The following RSRC1 variants were observed in gnomAD, a reference collection of about 807,000 sequenced individuals.
RSRC1 encodes arginine and serine rich coiled-coil 1.
A neutral mutation model predicts 49.1 loss-of-function variants in RSRC1; 39 were observed. That is an observed-to-expected ratio of 0.79 (90% CI 0.61 to 1.04). RSRC1 has a LOEUF of 1.04. RSRC1 is among the 50% of genes least tolerant of loss of function. The pLI is 0.00. For missense variants in RSRC1, 388 were observed against 402.4 expected (o/e 0.96, Z 0.31); for synonymous variants, 143 against 130.8 (o/e 1.09, Z -0.63).
chr3:158,122,424 C>A, intron 2 of RSRC1, 126 bp downstream of exon 2: 1 of 694,310 alleles, frequency 1.4e-6, no homozygotes, highest in Non-Finnish European at 2.2e-6. Flanking sequence ...ATGAAAGTCC[C>A]AACCCAGAGT....
intron 7 of RSRC1, among the ~76,000 whole-genome samples, chr3:158,499,644 T>C (rs1739503225): frequency 2.0e-5 from 3 of 152,172 alleles, no homozygotes. Flanking sequence ...TTTCAGCTAT[T>C]GTAAAAGGGG....
intron 3 of RSRC1, among the ~76,000 whole-genome samples, chr3:158,170,938 A>T (rs936233292): frequency 5.9e-5 from 9 of 152,138 alleles, no homozygotes; most frequent in Non-Finnish European, 1.0e-4. Flanking sequence ...GAACTGCATG[A>T]TGGCAGCACA....
intron 4 of RSRC1, among the ~76,000 whole-genome samples, chr3:158,229,992 T>C (rs1722862199): frequency 6.6e-6 from 1 of 152,094 alleles, no homozygotes. Context: ...ATATTCCTAT[T>C]GATGCATCAA....
intron 7 of RSRC1, among the ~76,000 whole-genome samples, chr3:158,479,628 A>G (rs1738528907): frequency 6.6e-6 from 1 of 152,020 alleles, no homozygotes; most frequent in African/African-American, 2.4e-5. Flanking sequence ...CCAAATGCCT[A>G]CAGAAATACT....
At chr3:158,451,704 G>A (rs968502459) in intron 6 of RSRC1, among the ~76,000 whole-genome samples, 1 of 151,978 alleles carries the variant, frequency 6.6e-6, no homozygotes, top group Non-Finnish European at 1.5e-5. Context: ...TGGAGGAACT[G>A]TTCACTCCAG....
intron 1 of RSRC1, among the ~76,000 whole-genome samples, chr3:158,121,037 A>G (rs1715222914): frequency 6.6e-6 from 1 of 151,858 alleles, no homozygotes; most frequent in African/African-American, 2.4e-5. Flanking sequence ...TACCATAACT[A>G]TATAGAAATA....
At chr3:158,188,227 G>A (rs925512392) in intron 3 of RSRC1, among the ~76,000 whole-genome samples, 38 of 151,938 alleles carry the variant, frequency 2.5e-4, no homozygotes, top group African/African-American at 9.2e-4. Context: ...CTGTTTTCCA[G>A]TATATATTTC....
intron 3 of RSRC1, among the ~76,000 whole-genome samples, chr3:158,157,376 C>G (rs1717941269): frequency 6.6e-6 from 1 of 152,050 alleles, no homozygotes. Context: ...ATCGAGGACT[C>G]ACAGCAAACA....
rs1224034389 is a variant in RSRC1, at chr3:158,187,492, G to T, written c.321-15580G>T. On this transcript the variant is annotated intron_variant, in intron 3 of 9. Transcript: ENST00000611884. ...ATATGAGTTATAGGTCCAAATAAAT[G>T]TTTCTGGCATTTTGATAAGATATAT... Among the ~76,000 whole-genome samples, 5 of 152,066 alleles carry T rather than the reference G, an allele frequency of 3.3e-5. 1 individual carries two copies. The South Asian group carries it at 1.0e-3, about 32-fold the overall frequency.
Position 158,460,809 on chromosome 3 carries a change from G to T in RSRC1, c.584-126G>T, listed in dbSNP as rs1179578537. On this transcript the variant is annotated intron_variant, in intron 6 of 9. Coordinates refer to ENST00000611884, the MANE Select transcript of RSRC1 (RefSeq NM_001271838.2). ...AAATATGTATTTCAGATGTTCAACT[G>T]CCTTGTTTCTTTCTTGTGATTACTT... The T allele has an allele frequency of 1.6e-5, 8 of 486,454 alleles. No homozygotes were observed. The East Asian group carries it at 2.6e-4, about 16-fold the overall frequency. The allele number at this position is 486,454 out of a possible 1,614,324, so 30.1% of individuals were successfully genotyped here. A position where few individuals can be genotyped will look rare whatever the true frequency, so the allele number is the denominator to read the frequency against.
intron 6 of RSRC1, among the ~76,000 whole-genome samples, chr3:158,401,237 C>T (rs377087883): frequency 3.9e-5 from 6 of 152,022 alleles, no homozygotes; most frequent in Middle Eastern, 3.4e-3. Context: ...ATGACTGTAA[C>T]GGGCAGAGAT....
chr3:158,312,288 G>A (rs1728174760), intron 5 of RSRC1, among the ~76,000 whole-genome samples: 1 of 152,096 alleles, frequency 6.6e-6, no homozygotes, highest in Admixed American at 6.6e-5. Context: ...CTTAAGTAGT[G>A]TTTGATCCTT....
At position 158,539,254 on chromosome 3, in the gene RSRC1, G is replaced by T. The variant is rs1208379113; in HGVS notation, c.759+2056G>T. 6.6e-6 allele frequency among the ~76,000 whole-genome samples: 1 copy of T among 152,006 alleles called. No individual in the cohort carries two copies. Among genetic ancestry groups the T allele is most frequent in the Admixed American group, 6.6e-5 (1 of 15,250 alleles). On this transcript the variant is annotated intron_variant, in intron 8 of 9. Coordinates refer to ENST00000611884, the MANE Select transcript of RSRC1 (RefSeq NM_001271838.2). This position sits in a 1 kb window ranked among gnomAD's most constrained non-coding sequence, Gnocchi z 4.1. The stretch of plus-strand genomic sequence containing the variant: ...CACCCCTTCAGTTGGTACCGTATTT[G>T]TTTAGCTGTGTTAATTCCACTAATT...
intron 6 of RSRC1, among the ~76,000 whole-genome samples, chr3:158,397,616 G>A (rs1346196129): frequency 6.6e-6 from 1 of 152,112 alleles, no homozygotes; most frequent in Non-Finnish European, 1.5e-5. Context: ...GTGTATTATA[G>A]TGGAGAATTG....
chr3:158,367,107 C>A (rs1335976817), intron 6 of RSRC1, among the ~76,000 whole-genome samples: 1 of 152,154 alleles, frequency 6.6e-6, no homozygotes, highest in African/African-American at 2.4e-5. Flanking sequence ...AATTTGACTT[C>A]CTCTCTTCCT....
intron 4 of RSRC1, among the ~76,000 whole-genome samples, chr3:158,248,654 G>C (rs827181): frequency 6.6e-6 from 1 of 150,896 alleles, no homozygotes; most frequent in African/African-American, 2.4e-5. Flanking sequence ...CTGGAGTGCA[G>C]TAATGTGATC....
intron 4 of RSRC1, among the ~76,000 whole-genome samples, chr3:158,279,810 A>G (rs1021850693): frequency 6.6e-6 from 1 of 152,196 alleles, no homozygotes; most frequent in African/African-American, 2.4e-5. Context: ...AGTTGTGCTT[A>G]TTGAGCTTAG....
intron 4 of RSRC1, among the ~76,000 whole-genome samples, chr3:158,250,294 T>G (rs1724135560): frequency 6.6e-6 from 1 of 152,194 alleles, no homozygotes; most frequent in African/African-American, 2.4e-5. Context: ...GCAGATGATC[T>G]TGATACAAAA....
At chr3:158,339,211 GA>G (rs1730090034) in intron 5 of RSRC1, among the ~76,000 whole-genome samples, 1 of 148,346 alleles carries the variant, frequency 6.7e-6, no homozygotes, top group African/African-American at 2.5e-5. Context: ...AGAATGGCGT[GA>G]ACCCGGGAAG....
Sources: allele counts gnomAD v4.1 joint callset (sites outside exome capture counted in the v4.1 genomes callset), GRCh38; gene constraint gnomAD v4.1.1; non-coding constraint Gnocchi (gnomAD v3.1); transcripts MANE v1.5; gene names NCBI Gene and HGNC (gene_info 2026-07-23, HGNC 2026-07-21).